Variants in DIAPH1 observed in about 807,000 individuals in gnomAD.
DIAPH1 encodes diaphanous related formin 1, also known as protein diaphanous homolog 1.
DIAPH1 carries 46 observed loss-of-function variants against 140.7 expected under a neutral mutation model. That is an observed-to-expected ratio of 0.33 (90% CI 0.26 to 0.42). The LOEUF (loss-of-function observed/expected upper bound fraction) is 0.42. Among genes scored for constraint, DIAPH1 ranks in the 10% least tolerant of loss-of-function variants. The pLI, the probability that DIAPH1 is intolerant of heterozygous loss-of-function variation, is 1.00. For synonymous variants in DIAPH1, 565 were observed against 551.6 expected (o/e 1.02, Z -0.34); for missense variants, 1,310 against 1,558.7 (o/e 0.84, Z 2.69).
At chr5:141,600,571 T>C (rs766390845) in intron 1 of DIAPH1, among the ~76,000 whole-genome samples, 18 of 152,340 alleles carry the variant, frequency 1.2e-4, no homozygotes, top group South Asian at 2.1e-4. Flanking sequence ...TCTGGCTTCC[T>C]AGAAAACTAC....
chr5:141,613,155 C>T (rs1322180630), intron 1 of DIAPH1, among the ~76,000 whole-genome samples: 1 of 152,144 alleles, frequency 6.6e-6, no homozygotes, highest in East Asian at 1.9e-4. Context: ...TTTTCCCATC[C>T]TCCATAAGAG....
At chr5:141,529,991 G>A (rs1418778073) in intron 19 of DIAPH1, among the ~76,000 whole-genome samples, 3 of 152,168 alleles carry the variant, frequency 2.0e-5, no homozygotes, top group African/African-American at 4.8e-5. Context: ...GGCTGAGGTG[G>A]GAGGATCACC....
intron 13 of DIAPH1, among the ~76,000 whole-genome samples, 181 bp from the exon 14 acceptor site, chr5:141,576,475 G>A (rs938951893): frequency 2.6e-5 from 4 of 152,174 alleles, no homozygotes; most frequent in Non-Finnish European, 5.9e-5. Flanking sequence ...GTGCGGTAAG[G>A]CCACCATGCT....
chr5:141,533,544 C>A (rs2099888562), intron 19 of DIAPH1, among the ~76,000 whole-genome samples: 1 of 152,136 alleles, frequency 6.6e-6, no homozygotes, highest in Non-Finnish European at 1.5e-5. Flanking sequence ...AAGCTAGTAC[C>A]TTTACTTATC....
chr5:141,608,080 G>T (rs1295381834), intron 1 of DIAPH1, among the ~76,000 whole-genome samples: 3 of 152,218 alleles, frequency 2.0e-5, no homozygotes, highest in Non-Finnish European at 4.4e-5. Context: ...GGAGATAAAG[G>T]TTCTATTTCT....
chr5:141,539,895 AT>A lies in DIAPH1; in HGVS notation c.2483-5463del, dbSNP rs372049521. Among the ~76,000 whole-genome samples the A allele has an allele frequency of 5.0e-3, 708 of 142,464 alleles. 6 individuals are homozygous for A. The highest frequency in any genetic ancestry group is 0.016 in the African/African-American group (624 of 38,786). 93.5% of individuals were successfully genotyped at this position (142,464 alleles called of 152,430 possible). A position where few individuals can be genotyped will look rare whatever the true frequency, so the allele number is the denominator to read the frequency against. ...GCTTTTGGTTTCACTGATTGTCTCT[AT>A]TTTTTTTTTCTATTCTCTATTTTGT... On this transcript the variant is annotated intron_variant, in intron 18 of 27. Coordinates refer to ENST00000389054, the MANE Select transcript of DIAPH1 (RefSeq NM_005219.5).
intron 1 of DIAPH1, among the ~76,000 whole-genome samples, chr5:141,614,530 C>A (rs190889182): frequency 2.0e-5 from 3 of 152,066 alleles, no homozygotes; most frequent in Non-Finnish European, 4.4e-5. Flanking sequence ...ACATAATTTA[C>A]GGGTCATAAA....
chr5:141,562,933 C>T (rs887607368), intron 18 of DIAPH1: 3 of 152,190 alleles, frequency 2.0e-5, no homozygotes, highest in Non-Finnish European at 2.9e-5. Flanking sequence ...CTAGATATCC[C>T]ATTTCTTTGC....
chr5:141,537,339 C>T (rs879270192), intron 18 of DIAPH1, among the ~76,000 whole-genome samples: 7 of 150,186 alleles, frequency 4.7e-5, no homozygotes, highest in Non-Finnish European at 7.4e-5. Context: ...CAAAATTAGC[C>T]GGGTGTGGTG....
rs1029282672 is a variant in DIAPH1, at chr5:141,516,098, C to G, written c.*753G>C. On this transcript the variant is annotated 3_prime_UTR_variant, in exon 28 of 28. Transcript: ENST00000389054. ...ATGAGGAGGGAAGGTGGCTCAGTAG[C>G]CTGGGGTTGGTGCAGAGCGTCCAGA... 1 of 154,632 alleles carries G rather than the reference C, an allele frequency of 6.5e-6. No homozygotes were observed. Among genetic ancestry groups the G allele is most frequent in the Admixed American group, 6.4e-5 (1 of 15,688 alleles). 9.6% of individuals were successfully genotyped at this position (154,632 alleles called of 1,614,324 possible).
intron 1 of DIAPH1, among the ~76,000 whole-genome samples, chr5:141,590,986 T>C (rs1424422409): frequency 6.6e-6 from 1 of 152,204 alleles, no homozygotes; most frequent in African/African-American, 2.4e-5. Context: ...AAGCTGTCCA[T>C]GTTATTTCTC....
chr5:141,517,104 T>C, intron 27 of DIAPH1, 96 bp from the exon 28 acceptor site: 2 of 1,462,728 alleles, frequency 1.4e-6, no homozygotes, highest in Non-Finnish European at 1.9e-6. Context: ...CATGCAGACA[T>C]GACTACCTTG....
intron 18 of DIAPH1, among the ~76,000 whole-genome samples, chr5:141,566,584 C>A (rs1243216703): frequency 6.6e-6 from 1 of 152,162 alleles, no homozygotes; most frequent in Non-Finnish European, 1.5e-5. Context: ...GGGGTGAGGT[C>A]TATGAGAACA....
At chr5:141,588,452 T>TA (rs1367308992) in intron 1 of DIAPH1, among the ~76,000 whole-genome samples, 2 of 135,254 alleles carry the variant, frequency 1.5e-5, no homozygotes, top group African/African-American at 5.6e-5. Flanking sequence ...TGAAGGTCAC[T>TA]AACATATGAC....
chr5:141,567,834 G>A lies in DIAPH1; in HGVS notation c.2482+3594C>T, dbSNP rs1562315547. On this transcript the variant is annotated intron_variant, in intron 18 of 27. Coordinates refer to ENST00000389054, the MANE Select transcript of DIAPH1 (RefSeq NM_005219.5). The stretch of plus-strand genomic sequence containing the variant: ...GCAGACAGGTAAACCTATCTGTTAC[G>A]GCTAACAGTTCTGACTTCTGGAACA... 3.9e-5 allele frequency among the ~76,000 whole-genome samples: 6 copies of A among 152,264 alleles called. No individual in the cohort carries two copies. In the South Asian group the frequency reaches 6.2e-4, roughly 16 times the overall value.
At chr5:141,586,701 C>CT (rs1289734271) in intron 3 of DIAPH1, among the ~76,000 whole-genome samples, 1 of 152,214 alleles carries the variant, frequency 6.6e-6, no homozygotes, top group Non-Finnish European at 1.5e-5. Flanking sequence ...TACCTCCACA[C>CT]TTTATCTGCT....
chr5:141,557,100 GACTTT>G lies in DIAPH1; in HGVS notation c.2482+14323_2482+14327del, dbSNP rs1385963045. 5.9e-5 allele frequency among the ~76,000 whole-genome samples: 9 copies of G among 152,240 alleles called. No homozygotes were observed. In the East Asian group the frequency reaches 1.7e-3, roughly 29 times the overall value. On this transcript the variant is annotated intron_variant, in intron 18 of 27. Coordinates refer to ENST00000389054, the MANE Select transcript of DIAPH1 (RefSeq NM_005219.5). Reference sequence around the variant, plus strand: ...AGACATCAACCAACTGCAATGTGTAGACTTTATTTGGCTCTGATTCAAATGAACTA... The same window carrying G: ...AGACATCAACCAACTGCAATGTGTAGATTTGGCTCTGATTCAAATGAACTA...
chr5:141,566,155 G>T (rs1418920361), intron 18 of DIAPH1, among the ~76,000 whole-genome samples: 1 of 152,198 alleles, frequency 6.6e-6, no homozygotes, highest in East Asian at 1.9e-4. Context: ...TTGGGGTCAG[G>T]ATAGCAAAGG....
intron 7 of DIAPH1, among the ~76,000 whole-genome samples, chr5:141,581,726 C>T (rs1449448948): frequency 6.6e-6 from 1 of 151,986 alleles, no homozygotes. Context: ...GAGACAATAA[C>T]TACAGGTCAG....
Sources: gnomAD v4.1 joint callset for allele counts (sites outside exome capture counted in the v4.1 genomes callset) on GRCh38, gnomAD v4.1.1 for gene constraint, MANE v1.5 for transcripts, NCBI Gene and HGNC (gene_info 2026-07-23, HGNC 2026-07-21) for gene names.